The following OSBPL9 variants were observed in gnomAD, a reference collection of about 807,000 sequenced individuals.
OSBPL9 encodes the protein oxysterol binding protein like 9, also known as oxysterol-binding protein-related protein 9.
In OSBPL9, 40 loss-of-function variants were observed where a neutral mutation model predicts 106.6. The ratio of observed to expected loss-of-function variants is 0.38; its 90% CI spans 0.29 to 0.49. The LOEUF (loss-of-function observed/expected upper bound fraction) is 0.49. Among genes scored for constraint, OSBPL9 ranks in the 20% least tolerant of loss-of-function variants. OSBPL9 has a pLI of 0.97. For synonymous variants in OSBPL9, 269 were observed against 295.4 expected (o/e 0.91, Z 0.92); for missense variants, 609 against 887.2 (o/e 0.69, Z 3.98).
chr1:51,599,852 GC>G (rs1377467256), intron 2 of OSBPL9, among the ~76,000 whole-genome samples: 5 of 152,260 alleles, frequency 3.3e-5, no homozygotes, highest in South Asian at 4.2e-4. Flanking sequence ...AGTTCTGGAG[GC>G]TGGGACGTCC....
At chr1:51,783,527 CA>C (rs1676893219) in intron 17 of OSBPL9, among the ~76,000 whole-genome samples, 1 of 152,118 alleles carries the variant, frequency 6.6e-6, no homozygotes, top group Non-Finnish European at 1.5e-5. Context: ...TCTGTGGGTA[CA>C]AAACCCATGG....
chr1:51,628,057 A>AT (rs1455705249), intron 1 of OSBPL9, among the ~76,000 whole-genome samples: 8 of 146,104 alleles, frequency 5.5e-5, no homozygotes, highest in Admixed American at 2.0e-4. Context: ...GCCTACTCTC[A>AT]ATTTTTTTTT....
chr1:51,540,218 T>A, the OSBPL9 span, among the ~76,000 whole-genome samples: 21 of 151,786 alleles, frequency 1.4e-4, no homozygotes, highest in African/African-American at 4.8e-4. Flanking sequence ...ATTATTATTT[T>A]AAATTTTTTT....
chr1:51,542,826 A>G, the OSBPL9 span, among the ~76,000 whole-genome samples: 1 of 152,144 alleles, frequency 6.6e-6, no homozygotes, highest in African/African-American at 2.4e-5. Context: ...CCTTTTCATG[A>G]TCAGCTTGAT....
the OSBPL9 span, among the ~76,000 whole-genome samples, chr1:51,554,661 A>C: frequency 6.6e-6 from 1 of 152,324 alleles, no homozygotes; most frequent in African/African-American, 2.4e-5. Flanking sequence ...AGTGACCAAA[A>C]ATGAGACAAA....
the OSBPL9 span, among the ~76,000 whole-genome samples, chr1:51,541,374 A>T: frequency 6.6e-6 from 1 of 152,140 alleles, no homozygotes; most frequent in Non-Finnish European, 1.5e-5. Context: ...GTTTGTCATC[A>T]TCTACACTCC....
chr1:51,560,236 G>A, the OSBPL9 span, among the ~76,000 whole-genome samples: 1 of 152,198 alleles, frequency 6.6e-6, no homozygotes, highest in Non-Finnish European at 1.5e-5. Context: ...AGGTGGCTGT[G>A]GCTTCCAGAG....
intron 3 of OSBPL9, among the ~76,000 whole-genome samples, chr1:51,711,821 G>A (rs771632805): frequency 1.2e-3 from 174 of 149,574 alleles, no homozygotes; most frequent in African/African-American, 4.2e-3. Flanking sequence ...GATGGGCGGC[G>A]GGGCAGAGAC....
At chr1:51,692,518 T>A (rs1655172232) in intron 3 of OSBPL9, among the ~76,000 whole-genome samples, 1 of 152,072 alleles carries the variant, frequency 6.6e-6, no homozygotes, top group South Asian at 2.1e-4. Flanking sequence ...AGCATCAGGG[T>A]GGCTATGTCA....
chr1:51,650,594 G>A (rs1433544009), intron 1 of OSBPL9, among the ~76,000 whole-genome samples: 1 of 152,026 alleles, frequency 6.6e-6, no homozygotes, highest in Non-Finnish European at 1.5e-5. Context: ...ACTCTGTTTA[G>A]TATCTCGGTA....
upstream of OSBPL9, chr1:51,617,034 C>G: frequency 1.5e-6 from 2 of 1,335,730 alleles, no homozygotes; most frequent in Non-Finnish European, 1.0e-6. Context: ...CCGCCCCCTG[C>G]GGCCCCGCCC....
intron 1 of OSBPL9, among the ~76,000 whole-genome samples, chr1:51,597,409 G>GTATATATA (rs374626875): frequency 0.012 from 1,569 of 135,656 alleles, 37 homozygotes; most frequent in African/African-American, 0.04. Flanking sequence ...ATATATGTGT[G>GTATATATA]TATATATATA....
chr1:51,748,295 G>T, intron 6 of OSBPL9, 74 bp from the exon 7 acceptor site: 2 of 1,474,028 alleles, frequency 1.4e-6, no homozygotes, highest in Admixed American at 2.9e-5. Flanking sequence ...TTCTTTAAAT[G>T]ACTAGCCAGT....
the OSBPL9 span, among the ~76,000 whole-genome samples, chr1:51,543,397 G>GT: frequency 1.8e-4 from 28 of 152,040 alleles, no homozygotes; most frequent in African/African-American, 5.5e-4. Context: ...ACTCAGAGAG[G>GT]TTTTTTTGTT....
At chr1:51,689,223 A>G (rs895514867) in intron 3 of OSBPL9, among the ~76,000 whole-genome samples, 3 of 152,126 alleles carry the variant, frequency 2.0e-5, no homozygotes, top group African/African-American at 7.2e-5. Context: ...TGGTTCTGTT[A>G]CTCTGTTAGG....
chr1:51,570,897 C>T, the OSBPL9 span, among the ~76,000 whole-genome samples: 1 of 152,094 alleles, frequency 6.6e-6, no homozygotes, highest in East Asian at 1.9e-4. Context: ...TCTCGGCTCA[C>T]TGCAACCTCC....
At chr1:51,547,922 A>G in the OSBPL9 span, among the ~76,000 whole-genome samples, 2 of 151,862 alleles carry the variant, frequency 1.3e-5, no homozygotes, top group Non-Finnish European at 2.9e-5. Context: ...ATGATAAACT[A>G]CCATGTACTA....
At chr1:51,631,759 C>T (rs529957654) in intron 1 of OSBPL9, among the ~76,000 whole-genome samples, 1 of 152,208 alleles carries the variant, frequency 6.6e-6, no homozygotes, top group Non-Finnish European at 1.5e-5. Context: ...ATAAATGTCT[C>T]CCAAAGTTAG....
chr1:51,522,628 G>A, the OSBPL9 span, among the ~76,000 whole-genome samples: 1 of 152,136 alleles, frequency 6.6e-6, no homozygotes, highest in East Asian at 1.9e-4. Context: ...GTAGCCAATC[G>A]AATATATGTT....
Sources: gnomAD v4.1 joint callset for allele counts (sites outside exome capture counted in the v4.1 genomes callset) on GRCh38, gnomAD v4.1.1 for gene constraint, MANE v1.5 for transcripts, NCBI Gene and HGNC (gene_info 2026-07-23, HGNC 2026-07-21) for gene names.